Variants in CENPP observed in about 807,000 individuals in gnomAD.
CENPP encodes centromere protein P.
CENPP carries 24 observed loss-of-function variants against 35.6 expected under a neutral mutation model. The ratio of observed to expected loss-of-function variants is 0.67; its 90% CI spans 0.49 to 0.95. The LOEUF is 0.95. CENPP is among the 40% of genes least tolerant of loss of function. The probability of loss-of-function intolerance (pLI) is 0.00; values close to 1 mark genes in which losing one functional copy is unlikely to be tolerated. For synonymous variants in CENPP, 120 were observed against 125.5 expected (o/e 0.96, Z 0.29); for missense variants, 332 against 345.3 (o/e 0.96, Z 0.31).
intron 5 of CENPP, chr9:92,482,582 A>G (rs1845948456): frequency 6.6e-6 from 1 of 152,192 alleles, no homozygotes; most frequent in South Asian, 2.1e-4. Flanking sequence ...ACTTCTAGCT[A>G]AACTCTAGAC....
At position 92,408,822 on chromosome 9, in the gene CENPP, C is replaced by T. The variant is rs529614521; in HGVS notation, c.564+28963C>T. Among the ~76,000 whole-genome samples the T allele has an allele frequency of 8.5e-5, 13 of 152,212 alleles. No individual in the cohort carries two copies. The South Asian group carries it at 1.2e-3, about 15-fold the overall frequency. ...TGGGGGTTGGGGAAGCAAAATCATT[C>T]GTATTGATAACTGCTGAGTTACTAG... is the stretch of plus-strand genomic sequence containing the variant. On this transcript the variant is annotated intron_variant, in intron 5 of 7. Coordinates refer to ENST00000375587, the MANE Select transcript of CENPP (RefSeq NM_001012267.3).
intron 5 of CENPP, among the ~76,000 whole-genome samples, chr9:92,601,032 T>C (rs576445068): frequency 7.9e-5 from 12 of 152,192 alleles, no homozygotes; most frequent in Non-Finnish European, 1.5e-4. Flanking sequence ...AGACGACTCT[T>C]AGGGGCAGAC....
intron 5 of CENPP, among the ~76,000 whole-genome samples, chr9:92,534,473 C>T (rs1043288952): frequency 6.6e-6 from 1 of 152,138 alleles, no homozygotes; most frequent in Non-Finnish European, 1.5e-5. Flanking sequence ...CTTTCTTCAG[C>T]GTATATATAC....
At chr9:92,478,246 G>C (rs1193836627) in intron 5 of CENPP, among the ~76,000 whole-genome samples, 1 of 151,946 alleles carries the variant, frequency 6.6e-6, no homozygotes, top group Non-Finnish European at 1.5e-5. Context: ...GGTAGGAATT[G>C]GTGTAATCAA....
chr9:92,567,369 G>GATATATATAT (rs888840109), intron 5 of CENPP, among the ~76,000 whole-genome samples: 1,119 of 103,934 alleles, frequency 0.011, 7 homozygotes, highest in Middle Eastern at 0.034. Context: ...AGTTACATAA[G>GATATATATAT]ATAGATATAT....
In CENPP at chr9:92,508,891, AACAG is replaced by A. The variant is rs559738618; in HGVS notation, c.565-102418_565-102415del. On this transcript the variant is annotated intron_variant, in intron 5 of 7. Coordinates refer to ENST00000375587, the MANE Select transcript of CENPP (RefSeq NM_001012267.3). ...AACATAATATGTTTCAAAGCAAGGA[AACAG>A]ACAGTGTTGAGCACTGTACCTCAAG... is the stretch of plus-strand genomic sequence containing the variant. Among the ~76,000 whole-genome samples the A allele has an allele frequency of 4.6e-5, 7 of 152,254 alleles. No homozygotes were observed. In the South Asian group the frequency reaches 1.4e-3, roughly 32 times the overall value.
intron 5 of CENPP, among the ~76,000 whole-genome samples, chr9:92,390,573 T>C (rs1165447763): frequency 3.3e-5 from 5 of 150,874 alleles, no homozygotes; most frequent in African/African-American, 1.2e-4. Flanking sequence ...AGTGTGTGTG[T>C]GTGTGTGTGT....
intron 5 of CENPP, among the ~76,000 whole-genome samples, chr9:92,509,306 A>G (rs1202357205): frequency 6.6e-6 from 1 of 152,186 alleles, no homozygotes; most frequent in Non-Finnish European, 1.5e-5. Flanking sequence ...AGTTAATACC[A>G]TGAAGAGCAT....
intron 5 of CENPP, chr9:92,464,924 G>C: frequency 1.2e-6 from 2 of 1,600,784 alleles, no homozygotes; most frequent in Non-Finnish European, 1.7e-6. Flanking sequence ...CAAACCTTTA[G>C]GAACTGAGGT....
At position 92,613,303 on chromosome 9, in the gene CENPP, A is replaced by G. The variant is rs1194951762; in HGVS notation, c.*154A>G. ...CACATTATATGGAAACTCTCATGAC[A>G]TGAAAAATAAATACAACTAGTTAAG... On this transcript the variant is annotated 3_prime_UTR_variant, in exon 8 of 8. Transcript: ENST00000375587. The G allele has an allele frequency of 2.6e-6, 2 of 775,928 alleles. No individual in the cohort carries two copies. Among genetic ancestry groups the G allele is most frequent in the Non-Finnish European group, 4.1e-6 (2 of 488,898 alleles). 48.1% of individuals were successfully genotyped at this position (775,928 alleles called of 1,614,324 possible).
At chr9:92,352,510 C>CATATAT (rs67070835) in intron 4 of CENPP, among the ~76,000 whole-genome samples, 998 of 50,408 alleles carry the variant, frequency 0.02, 115 homozygotes, top group African/African-American at 0.054. Flanking sequence ...TGTGTGTATA[C>CATATAT]ATATATATAT....
At chr9:92,531,975 C>A (rs927631335) in intron 5 of CENPP, among the ~76,000 whole-genome samples, 20 of 146,212 alleles carry the variant, frequency 1.4e-4, no homozygotes, top group African/African-American at 4.4e-4. Flanking sequence ...TTATTGTTGC[C>A]TTCTTCCCAC....
intron 5 of CENPP, among the ~76,000 whole-genome samples, chr9:92,491,595 G>A (rs2131121742): frequency 6.6e-6 from 1 of 152,080 alleles, no homozygotes; most frequent in Admixed American, 6.5e-5. Flanking sequence ...GACCCCCATG[G>A]TGACACCCCA....
chr9:92,424,922 C>T (rs1843921611), intron 5 of CENPP, among the ~76,000 whole-genome samples: 1 of 151,770 alleles, frequency 6.6e-6, no homozygotes, highest in South Asian at 2.1e-4. Context: ...GTGATCCTCC[C>T]GCCTCCACCT....
chr9:92,370,575 G>T (rs1588066832), intron 4 of CENPP, among the ~76,000 whole-genome samples: 1 of 152,084 alleles, frequency 6.6e-6, no homozygotes, highest in Non-Finnish European at 1.5e-5. Context: ...CCGCTTTCCG[G>T]GTTCAAGCGA....
At chr9:92,519,810 T>C (rs1046988665) in intron 5 of CENPP, among the ~76,000 whole-genome samples, 1 of 151,986 alleles carries the variant, frequency 6.6e-6, no homozygotes, top group African/African-American at 2.4e-5. Flanking sequence ...AAAAGATAAA[T>C]TAGACTTTAT....
At chr9:92,375,412 C>T (rs1241422807) in intron 4 of CENPP, among the ~76,000 whole-genome samples, 1 of 152,020 alleles carries the variant, frequency 6.6e-6, no homozygotes, top group Admixed American at 6.6e-5. Context: ...CCTGCCTCAG[C>T]CTCCTGAGTA....
At chr9:92,517,121 G>C (rs1296504781) in intron 5 of CENPP, 1 of 156,422 alleles carries the variant, frequency 6.4e-6, no homozygotes, top group African/African-American at 2.4e-5. Flanking sequence ...GTGATCTCCT[G>C]CACACAGAAG....
chr9:92,414,257 T>A (rs565803535), intron 5 of CENPP: 1 of 184,440 alleles, frequency 5.4e-6, no homozygotes, highest in Admixed American at 6.2e-5. Context: ...TTTAGTATTA[T>A]CTTTAGAACT....
Sources: gnomAD v4.1 joint callset for allele counts (sites outside exome capture counted in the v4.1 genomes callset) on GRCh38, gnomAD v4.1.1 for gene constraint, MANE v1.5 for transcripts, NCBI Gene and HGNC (gene_info 2026-07-23, HGNC 2026-07-21) for gene names.